The following HS6ST3 variants were observed in gnomAD, a reference collection of about 807,000 sequenced individuals.
The protein encoded by HS6ST3 is heparan sulfate 6-O-sulfotransferase 3, also known as heparan-sulfate 6-O-sulfotransferase 3.
Under a neutral mutation model 36.7 loss-of-function variants are expected in HS6ST3, and 12 were observed. That is an observed-to-expected ratio of 0.33 (90% CI 0.21 to 0.53). The LOEUF is 0.53. Ranked by LOEUF, HS6ST3 falls within the 20% of genes least tolerant of loss-of-function variation. HS6ST3 has a pLI of 0.95. For missense variants in HS6ST3, 584 were observed against 640.9 expected, an observed-to-expected ratio of 0.91 and a Z score of 0.96; for synonymous variants, 240 against 257.5, an observed-to-expected ratio of 0.93 and a Z score of 0.65.
In HS6ST3 at chr13:96,571,029, T is replaced by G. The variant is rs1201815510; in HGVS notation, c.708-261461T>G. Among the ~76,000 whole-genome samples, 3 of 152,170 alleles carry G rather than the reference T, an allele frequency of 2.0e-5. No individual in the cohort carries two copies. The East Asian group carries it at 5.8e-4, about 29-fold the overall frequency. ...GTGGTAATCATGTTAAGAAAGTTATTGGTGAAGCATCTGTGAGAATGTAGT... is the reference window on the plus strand; with the variant it reads ...GTGGTAATCATGTTAAGAAAGTTATGGGTGAAGCATCTGTGAGAATGTAGT... On this transcript the variant is annotated intron_variant, in intron 1 of 1. Coordinates refer to ENST00000376705, the MANE Select transcript of HS6ST3 (RefSeq NM_153456.4).
At chr13:96,721,705 C>G (rs1329209217) in intron 1 of HS6ST3, among the ~76,000 whole-genome samples, 10 of 152,066 alleles carry the variant, frequency 6.6e-5, no homozygotes, top group Admixed American at 5.9e-4. Context: ...GTTTCTTAAA[C>G]AAAAGTTTCA....
At chr13:96,191,257 A>G (rs937241742) in intron 1 of HS6ST3, among the ~76,000 whole-genome samples, 2 of 152,160 alleles carry the variant, frequency 1.3e-5, no homozygotes, top group Non-Finnish European at 2.9e-5. Context: ...CACTGCCAGA[A>G]TGACCTTTCT....
chr13:96,648,887 T>A (rs1594826879), intron 1 of HS6ST3, among the ~76,000 whole-genome samples: 1 of 152,096 alleles, frequency 6.6e-6, no homozygotes, highest in Non-Finnish European at 1.5e-5. Flanking sequence ...ATATTTTCTT[T>A]ATCCAGTCTA....
chr13:96,651,309 A>G (rs544833213), intron 1 of HS6ST3, among the ~76,000 whole-genome samples: 1 of 151,952 alleles, frequency 6.6e-6, no homozygotes, highest in South Asian at 2.1e-4. Context: ...TTTTTTGCCC[A>G]CTTCTGACTA....
chr13:96,732,295 T>G (rs1876175906), intron 1 of HS6ST3, among the ~76,000 whole-genome samples: 1 of 152,344 alleles, frequency 6.6e-6, no homozygotes, highest in East Asian at 1.9e-4. Flanking sequence ...TGTTTTCTTC[T>G]AGTAGTTTCA....
chr13:96,685,531 T>G (rs1379271311), intron 1 of HS6ST3, among the ~76,000 whole-genome samples: 1 of 152,072 alleles, frequency 6.6e-6, no homozygotes, highest in Non-Finnish European at 1.5e-5. Context: ...ACATAGAAAA[T>G]GAACCTGACA....
At chr13:96,515,305 A>G (rs1566383510) in intron 1 of HS6ST3, among the ~76,000 whole-genome samples, 5 of 152,240 alleles carry the variant, frequency 3.3e-5, no homozygotes, top group Admixed American at 1.3e-4. Context: ...TCCACAGTAC[A>G]CTAGGAGACT....
chr13:96,812,752 A>C (rs938136059), intron 1 of HS6ST3, among the ~76,000 whole-genome samples: 7 of 152,066 alleles, frequency 4.6e-5, no homozygotes, highest in Admixed American at 2.0e-4. Flanking sequence ...TTTAGATATG[A>C]GGAATTATTT....
chr13:96,479,509 A>T (rs574127415), intron 1 of HS6ST3, among the ~76,000 whole-genome samples: 2 of 152,174 alleles, frequency 1.3e-5, no homozygotes, highest in African/African-American at 2.4e-5. Flanking sequence ...GCTGTACAGG[A>T]AAATGGATTA....
chr13:96,540,591 G>A (rs1396187044), intron 1 of HS6ST3, among the ~76,000 whole-genome samples: 2 of 152,052 alleles, frequency 1.3e-5, no homozygotes, highest in South Asian at 2.1e-4. Context: ...TTTGGTTAAT[G>A]GATTCTTCAC....
chr13:96,838,190 A>G lies in HS6ST3; in HGVS notation c.*4992A>G, dbSNP rs1295741533. 6.6e-6 allele frequency: 1 copy of G among 152,226 alleles called. No homozygotes were observed. Among genetic ancestry groups the G allele is most frequent in the African/African-American group, 2.4e-5 (1 of 41,462 alleles). The allele number at this position is 152,226 out of a possible 1,614,324, so 9.4% of individuals were successfully genotyped here. ...GGTGGAAAGGTAATGAATTAAATAT[A>G]TGACATGTAATACTGAAAAAATAGA... On this transcript the variant is annotated 3_prime_UTR_variant, in exon 2 of 2. Transcript: ENST00000376705.
At chr13:96,442,342 C>T (rs1156584385) in intron 1 of HS6ST3, among the ~76,000 whole-genome samples, 1 of 151,788 alleles carries the variant, frequency 6.6e-6, no homozygotes, top group African/African-American at 2.4e-5. Flanking sequence ...CTTTAGGACA[C>T]AAAGGTTAAA....
chr13:96,759,655 A>G (rs1202060743), intron 1 of HS6ST3, among the ~76,000 whole-genome samples: 1 of 151,966 alleles, frequency 6.6e-6, no homozygotes. Flanking sequence ...TTTATAAATT[A>G]TAAGTATATA....
At chr13:96,630,109 T>A (rs2056526912) in intron 1 of HS6ST3, among the ~76,000 whole-genome samples, 1 of 152,216 alleles carries the variant, frequency 6.6e-6, no homozygotes, top group South Asian at 2.1e-4. Context: ...GTTAAAAAAA[T>A]ATTTTTTTCA....
chr13:96,693,922 A>G (rs936468277), intron 1 of HS6ST3, among the ~76,000 whole-genome samples: 1 of 152,164 alleles, frequency 6.6e-6, no homozygotes, highest in Non-Finnish European at 1.5e-5. Flanking sequence ...TAACTTACAG[A>G]CCTAAAACTT....
intron 1 of HS6ST3, among the ~76,000 whole-genome samples, chr13:96,575,859 T>C (rs982031485): frequency 6.6e-6 from 1 of 152,206 alleles, no homozygotes; most frequent in African/African-American, 2.4e-5. Context: ...AAGGCACTGC[T>C]AAATGATGCA....
At chr13:96,144,742 A>C (rs1247582971) in intron 1 of HS6ST3, among the ~76,000 whole-genome samples, 5 of 148,854 alleles carry the variant, frequency 3.4e-5, no homozygotes, top group Admixed American at 6.7e-5. Flanking sequence ...CGCACCCATT[A>C]ACTCGTCATT....
intron 1 of HS6ST3, among the ~76,000 whole-genome samples, chr13:96,156,483 G>A (rs145867231): frequency 4.1e-4 from 62 of 152,336 alleles, no homozygotes; most frequent in Non-Finnish European, 7.1e-4. Context: ...AAGGCTAACA[G>A]AATTGAATAC....
chr13:96,672,719 G>C (rs1332529979), intron 1 of HS6ST3, among the ~76,000 whole-genome samples: 1 of 152,126 alleles, frequency 6.6e-6, no homozygotes, highest in Non-Finnish European at 1.5e-5. Flanking sequence ...ATCTGAATAT[G>C]ACTTTAGTTT....
Sources: gnomAD v4.1 joint callset for allele counts (sites outside exome capture counted in the v4.1 genomes callset) on GRCh38, gnomAD v4.1.1 for gene constraint, MANE v1.5 for transcripts, NCBI Gene and HGNC (gene_info 2026-07-23, HGNC 2026-07-21) for gene names.